The following LITAF variants were observed in gnomAD, a reference collection of about 807,000 sequenced individuals.
LITAF encodes the protein lipopolysaccharide-induced tumor necrosis factor-alpha factor.
In LITAF, 9 loss-of-function variants were observed where a neutral mutation model predicts 14.5. The observed-to-expected ratio is 0.62, with a 90% CI of 0.37 to 1.08. The LOEUF is 1.08. Ranked by LOEUF, LITAF falls within the 50% of genes least tolerant of loss-of-function variation. The pLI is 0.01. For missense variants in LITAF, 206 were observed against 213.4 expected (o/e 0.97, Z 0.22); for synonymous variants, 98 against 88.2 (o/e 1.11, Z -0.62).
At chr16:11,598,690 G>T (rs557688094), upstream of LITAF, among the ~76,000 whole-genome samples, 1 of 152,066 alleles carries the variant, frequency 6.6e-6, no homozygotes, top group East Asian at 1.9e-4. Flanking sequence ...CTTTCGCAGC[G>T]GCCACAGGAC....
At position 11,558,257 on chromosome 16, in the gene LITAF, A is replaced by C. The variant is rs1282338483; in HGVS notation, c.-5-1522T>G. On this transcript the variant is annotated intron_variant, in intron 1 of 3. Coordinates refer to ENST00000622633, the MANE Select transcript of LITAF (RefSeq NM_001136472.2). This position sits in a 1 kb window ranked among gnomAD's most constrained non-coding sequence, Gnocchi z 4.1. Reference sequence around the variant, plus strand: ...AGAGGAGACTTCTCTGGAGGAACCGAAGAAAGGGTATTCACCTCAAAGTGG... The same window carrying C: ...AGAGGAGACTTCTCTGGAGGAACCGCAGAAAGGGTATTCACCTCAAAGTGG... 6.6e-6 allele frequency among the ~76,000 whole-genome samples: 1 copy of C among 152,180 alleles called. No homozygotes were observed.
At chr16:11,604,823 C>T (rs1027569433) in intron 3 of LITAF, among the ~76,000 whole-genome samples, 2 of 150,386 alleles carry the variant, frequency 1.3e-5, no homozygotes, top group Non-Finnish European at 1.5e-5. Flanking sequence ...TGATTACTGA[C>T]GAGAAAAGTA....
intron 3 of LITAF, among the ~76,000 whole-genome samples, chr16:11,625,925 G>A (rs113924152): frequency 1.3e-5 from 2 of 152,036 alleles, no homozygotes; most frequent in African/African-American, 4.8e-5. Context: ...TGACCCCAGT[G>A]CCCATGAGGA....
chr16:11,638,943 G>A (rs964177231), upstream of LITAF, among the ~76,000 whole-genome samples: 27 of 151,290 alleles, frequency 1.8e-4, no homozygotes, highest in East Asian at 5.8e-4. Flanking sequence ...TTATTTAAAC[G>A]CGTAACAAAT....
chr16:11,633,076 G>T (rs1427221882), intron 3 of LITAF, among the ~76,000 whole-genome samples: 1 of 152,170 alleles, frequency 6.6e-6, no homozygotes, highest in Non-Finnish European at 1.5e-5. Context: ...CGTCACCCCT[G>T]CATACACATA....
At position 11,605,303 on chromosome 16, in the gene LITAF, G is replaced by C. The variant is rs1284925204; in HGVS notation, c.85+28230C>G. ...GGAATGTGGCCCCTAGTATTCAATGGGGGGATGCCACGCAGGTCTGGCTAT... is the reference window on the plus strand; with the variant it reads ...GGAATGTGGCCCCTAGTATTCAATGCGGGGATGCCACGCAGGTCTGGCTAT... On this transcript the variant is annotated intron_variant, in intron 3 of 3. Transcript: ENST00000574848. The surrounding 1 kb of genome is among the most constrained non-coding windows in gnomAD (Gnocchi z 4.7). Among the ~76,000 whole-genome samples the C allele has an allele frequency of 6.6e-6, 1 of 152,158 alleles. No individual in the cohort carries two copies. Among genetic ancestry groups the C allele is most frequent in the African/African-American group, 2.4e-5 (1 of 41,428 alleles).
intron 3 of LITAF, among the ~76,000 whole-genome samples, chr16:11,606,151 C>T (rs1338122869): frequency 6.6e-6 from 1 of 152,034 alleles, no homozygotes; most frequent in Non-Finnish European, 1.5e-5. Flanking sequence ...TCCCTCTGCC[C>T]CTGGATTTTT....
At chr16:11,638,024 C>CTATATATATCTATATATATATCTATA (rs1555475693), upstream of LITAF, among the ~76,000 whole-genome samples, 2 of 72,194 alleles carry the variant, frequency 2.8e-5, no homozygotes, top group Non-Finnish European at 4.4e-5. Flanking sequence ...CTATATATAT[C>CTATATATATCTATATATATATCTATA]TATATATCTA....
At chr16:11,624,417 C>T (rs1349447262) in intron 3 of LITAF, among the ~76,000 whole-genome samples, 2 of 152,198 alleles carry the variant, frequency 1.3e-5, no homozygotes, top group Non-Finnish European at 2.9e-5. Flanking sequence ...ACAAGCCCCT[C>T]CCTGGAGTCT....
At position 11,621,685 on chromosome 16, in the gene LITAF, C is replaced by T. The variant is rs367674470; in HGVS notation, c.85+11848G>A. On this transcript the variant is annotated intron_variant, in intron 3 of 3. Transcript: ENST00000574848. ...TACACAGCTCCCCTGAATTCCCCGGCAGGATGCAGCCCCAGGTGCCCACAA... is the reference window on the plus strand; with the variant it reads ...TACACAGCTCCCCTGAATTCCCCGGTAGGATGCAGCCCCAGGTGCCCACAA... 2.7e-4 allele frequency among the ~76,000 whole-genome samples: 41 copies of T among 152,244 alleles called. 1 individual carries two copies. In the East Asian group the frequency reaches 3.3e-3, roughly 12 times the overall value.
At chr16:11,574,192 C>T (rs548737485) in intron 1 of LITAF, among the ~76,000 whole-genome samples, 168 of 152,160 alleles carry the variant, frequency 1.1e-3, no homozygotes, top group Non-Finnish European at 2.0e-3. Flanking sequence ...CAGGTGTGCA[C>T]CACCACACCT....
intron 1 of LITAF, among the ~76,000 whole-genome samples, chr16:11,595,250 G>A (rs1223218216): frequency 6.6e-6 from 1 of 152,210 alleles, no homozygotes; most frequent in Non-Finnish European, 1.5e-5. Flanking sequence ...CAGATGGGGA[G>A]CCTGAGGCCA....
At chr16:11,564,707 G>C (rs1038956927) in intron 1 of LITAF, among the ~76,000 whole-genome samples, 8 of 152,172 alleles carry the variant, frequency 5.3e-5, no homozygotes, top group African/African-American at 1.9e-4. Flanking sequence ...ATCAGACTTC[G>C]GGAAGCCCGG....
At position 11,569,490 on chromosome 16, in the gene LITAF, C is replaced by T. The variant is rs149580298; in HGVS notation, c.-5-12755G>A. 9.9e-5 allele frequency among the ~76,000 whole-genome samples: 15 copies of T among 152,242 alleles called. No individual in the cohort carries two copies. In the East Asian group the frequency reaches 2.9e-3, roughly 29 times the overall value. ...CTCCTGGCCTCAAGTGATCCTCTTG[C>T]CTTGGCCTCTCAAAGTGCTGGGATT... On this transcript the variant is annotated intron_variant, in intron 1 of 3. Transcript: ENST00000622633.
intron 3 of LITAF, among the ~76,000 whole-genome samples, chr16:11,618,812 G>C (rs1420046616): frequency 6.6e-6 from 1 of 151,652 alleles, no homozygotes; most frequent in African/African-American, 2.4e-5. Flanking sequence ...GTGAAACCCT[G>C]TCTCTACTAA....
rs148923322 is a variant in LITAF, at chr16:11,627,043, G to A, written c.85+6490C>T. On this transcript the variant is annotated intron_variant, in intron 3 of 3. Transcript: ENST00000574848. ...CTTCCAGTCTGATCCCATCCCCCTAGGAACCCGGGTGTGGACGGCCTCTCT... is the reference window on the plus strand; with the variant it reads ...CTTCCAGTCTGATCCCATCCCCCTAAGAACCCGGGTGTGGACGGCCTCTCT... Among the ~76,000 whole-genome samples, 369 of 152,072 alleles carry A rather than the reference G, an allele frequency of 2.4e-3. 2 individuals are homozygous for A. In the Middle Eastern group the frequency reaches 0.037, roughly 15 times the overall value.
chr16:11,580,740 C>T (rs1306796956), intron 1 of LITAF, among the ~76,000 whole-genome samples: 1 of 152,146 alleles, frequency 6.6e-6, no homozygotes, highest in Admixed American at 6.5e-5. Context: ...TCACCACCTG[C>T]CTCCAGGAGC....
intron 3 of LITAF, among the ~76,000 whole-genome samples, chr16:11,552,042 T>C (rs967389275): frequency 5.9e-5 from 9 of 152,072 alleles, no homozygotes; most frequent in Non-Finnish European, 1.2e-4. Context: ...ATTTAACACA[T>C]GACCTCAAGG....
chr16:11,573,928 C>A (rs917571804), intron 1 of LITAF, among the ~76,000 whole-genome samples: 1 of 151,852 alleles, frequency 6.6e-6, no homozygotes, highest in African/African-American at 2.4e-5. Flanking sequence ...TCTCAAACTC[C>A]TGACCTCAAG....
Sources: allele counts gnomAD v4.1 joint callset (sites outside exome capture counted in the v4.1 genomes callset), GRCh38; gene constraint gnomAD v4.1.1; non-coding constraint Gnocchi (gnomAD v3.1); transcripts MANE v1.5; gene names NCBI Gene and HGNC (gene_info 2026-07-23, HGNC 2026-07-21).